Variants in PPP2R3B observed in about 807,000 individuals in gnomAD.
The protein encoded by PPP2R3B is protein phosphatase 2 regulatory subunit B''beta.
A neutral mutation model predicts 72.9 loss-of-function variants in PPP2R3B; 68 were observed. The ratio of observed to expected loss-of-function variants is 0.93; its 90% CI spans 0.77 to 1.14. PPP2R3B has a LOEUF of 1.14. Among genes scored for constraint, PPP2R3B ranks in the 50% most tolerant of loss-of-function variants. The probability of loss-of-function intolerance (pLI) is 0.00; values close to 1 mark genes in which losing one functional copy is unlikely to be tolerated. For missense variants in PPP2R3B, 1,018 were observed against 842.0 expected (o/e 1.21, Z -2.59); for synonymous variants, 466 against 375.8 (o/e 1.24, Z -2.78).
intron 1 of PPP2R3B, among the ~76,000 whole-genome samples, chrX:378,129 C>T (rs980736923): frequency 2.0e-5 from 3 of 152,034 alleles, no homozygotes; most frequent in Middle Eastern, 3.4e-3. Context: ...ACGGAATCTG[C>T]GAGGCCTGTT....
Position 340,803 on chromosome X carries a change from A to C in PPP2R3B, c.1313T>G (p.Leu438Arg). 1 of 1,611,770 alleles carries C rather than the reference A, an allele frequency of 6.2e-7. No homozygotes were observed. The highest frequency in any genetic ancestry group is 8.5e-7 in the Non-Finnish European group (1 of 1,179,640). ...AIEALPFQDC[L>R]CQMLDLVKPR... ...CTTGACCAGGTCCAGCATCTGGCAG[A>C]GGCAGTCCTGGAAGGGCAGGGCCTC... is the stretch of plus-strand genomic sequence containing the variant. The change falls in exon 10 of 13, where the codon CTC becomes CGC. Residue 438 changes from leucine to arginine, a missense_variant. Physicochemically the swap from Leu to Arg is moderately radical, Grantham distance 102. Transcript: ENST00000390665.
chrX:346,736 CCTT>C lies in PPP2R3B; in HGVS notation c.754_756del (p.Lys252del), dbSNP rs2071224012. 6.2e-7 allele frequency: 1 copy of C among 1,610,474 alleles called. No individual in the cohort carries two copies. Among genetic ancestry groups the C allele is most frequent in the Admixed American group, 1.7e-5 (1 of 59,902 alleles). On this transcript the variant is annotated inframe_deletion, in exon 5 of 13. Transcript: ENST00000390665. ...TAGCGCGAGTGGAACTCGGACGCCT[CCTT>C]CAGGAACGACAGCCCCGGGTGCGTG...
At chrX:345,274 C>A in intron 7 of PPP2R3B, 1 of 699,564 alleles carries the variant, frequency 1.4e-6, no homozygotes, top group African/African-American at 1.7e-5. Flanking sequence ...GCGGCCCACA[C>A]TGACCCTGTA....
chrX:386,142 AAATT>A (rs1173140803), intron 1 of PPP2R3B, among the ~76,000 whole-genome samples: 1 of 152,096 alleles, frequency 6.6e-6, no homozygotes, highest in African/African-American at 2.4e-5. Context: ...CTACCTTTAT[AAATT>A]GTGTGATTTT....
At chrX:343,893 G>T (rs2071131992) in intron 7 of PPP2R3B, among the ~76,000 whole-genome samples, 1 of 59,854 alleles carries the variant, frequency 1.7e-5, no homozygotes. Context: ...GGAGGCGGGA[G>T]GGAGACCTCA....
intron 2 of PPP2R3B, among the ~76,000 whole-genome samples, chrX:360,367 C>G (rs1179483931): frequency 1.3e-5 from 2 of 152,148 alleles, no homozygotes; most frequent in Non-Finnish European, 2.9e-5. Flanking sequence ...AACCCCATGT[C>G]TACTAAAAAT....
intron 5 of PPP2R3B, 68 bp downstream of exon 5, chrX:346,633 C>T (rs2071220957): frequency 1.2e-5 from 17 of 1,459,822 alleles, no homozygotes; most frequent in Admixed American, 1.9e-5. Flanking sequence ...GCAGAAGCCC[C>T]GCGGCGGCCG....
In PPP2R3B at chrX:338,843, C is replaced by T. The variant is rs144771108; in HGVS notation, c.1405G>A (p.Asp469Asn). The stretch of plus-strand genomic sequence containing the variant: ...TACTTCTCGATGTTGAAGAAGGTGT[C>T]GAAGAAGACGTTAGCCAGCTTGCAG... ...KRCKLANVFF[D>N]TFFNIEKYLD... Residue 469 changes from aspartate (D) to asparagine (N), a missense_variant, in exon 11 of 13, where the codon GAC becomes AAC. By Grantham distance (23) the Asp-to-Asn change is conservative (BLOSUM62 1). Coordinates refer to ENST00000390665, the MANE Select transcript of PPP2R3B (RefSeq NM_013239.5). The T allele has an allele frequency of 5.8e-5, 94 of 1,612,428 alleles. No homozygotes were observed. In the East Asian group the frequency reaches 8.9e-4, roughly 15 times the overall value.
intron 2 of PPP2R3B, among the ~76,000 whole-genome samples, chrX:352,898 T>G: frequency 1.3e-5 from 2 of 148,974 alleles, no homozygotes; most frequent in East Asian, 2.0e-4. Context: ...GCCGGAGGAG[T>G]CTTCAGGGTC....
chrX:383,429 C>T lies in PPP2R3B; in HGVS notation c.324+2939G>A, dbSNP rs563365166. 6.6e-4 allele frequency among the ~76,000 whole-genome samples: 100 copies of T among 152,154 alleles called. 1 individual carries two copies. In the South Asian group the frequency reaches 0.019, roughly 29 times the overall value. On this transcript the variant is annotated intron_variant, in intron 1 of 12. Transcript: ENST00000390665. ...GAACATTCTGAATATTTCAGGCTTC[C>T]GTAGTATTCTCGGGACACCAGACGC...
intron 2 of PPP2R3B, 97 bp downstream of exon 2, chrX:361,305 TCAC>T (rs1375174389): frequency 1.3e-5 from 18 of 1,363,276 alleles, no homozygotes; most frequent in African/African-American, 8.8e-5. Flanking sequence ...GCCGCCTCAC[TCAC>T]GCTCGTGTGA....
chrX:362,957 A>G (rs1319021057), intron 1 of PPP2R3B, among the ~76,000 whole-genome samples: 1 of 151,912 alleles, frequency 6.6e-6, no homozygotes, highest in Non-Finnish European at 1.5e-5. Flanking sequence ...CCCAGGTCAC[A>G]AGGGTCCCAC....
At position 334,133 on chromosome X, in the gene PPP2R3B, T is replaced by C. The variant is rs1349398681; in HGVS notation, c.*234A>G. ...CGGGAACGGCAAGCGCCAGAGGGTG[T>C]CCGTGTGGGAACCCGTCCCATTCAC... On this transcript the variant is annotated 3_prime_UTR_variant, in exon 13 of 13. Transcript: ENST00000390665. 7.2e-6 allele frequency: 3 copies of C among 417,524 alleles called. No individual in the cohort carries two copies. Among genetic ancestry groups the C allele is most frequent in the African/African-American group, 4.2e-5 (2 of 47,640 alleles). 25.9% of individuals were successfully genotyped at this position (417,524 alleles called of 1,614,324 possible).
rs180909762 is a variant in PPP2R3B, at chrX:370,171, G to A, written c.325-8581C>T. Among the ~76,000 whole-genome samples, 350 of 152,330 alleles carry A rather than the reference G, an allele frequency of 2.3e-3. 2 individuals are homozygous for A. The highest frequency in any genetic ancestry group is 8.2e-3 in the African/African-American group (339 of 41,582). ...ACACAGAGGAGCCGAACACGGAGAT[G>A]AGAGGCCCCACGTGTGGGTTTAAAA... On this transcript the variant is annotated intron_variant, in intron 1 of 12. Transcript: ENST00000390665.
intron 1 of PPP2R3B, among the ~76,000 whole-genome samples, chrX:384,261 A>ACTCTCTCT (rs766359373): frequency 5.6e-5 from 8 of 142,420 alleles, no homozygotes; most frequent in Non-Finnish European, 1.2e-4. Context: ...ACGCAAGAAG[A>ACTCTCTCT]CTCTCTCTCT....
chrX:344,570 G>A (rs1041004831), intron 7 of PPP2R3B, among the ~76,000 whole-genome samples: 18 of 152,352 alleles, frequency 1.2e-4, no homozygotes, highest in Admixed American at 9.8e-4. Context: ...GGGCCGCGCC[G>A]GGCCGGGGGT....
intron 3 of PPP2R3B, 106 bp from the exon 4 acceptor site, chrX:347,442 G>T: frequency 7.4e-7 from 1 of 1,350,354 alleles, no homozygotes; most frequent in Non-Finnish European, 1.1e-6. Context: ...TGCGTGGCAG[G>T]TGGCCACACA....
chrX:354,518 T>C (rs775236044), intron 2 of PPP2R3B, among the ~76,000 whole-genome samples: 26 of 152,346 alleles, frequency 1.7e-4, no homozygotes, highest in African/African-American at 6.0e-4. Context: ...ACATTTAGCA[T>C]CCCGGACAAA....
At chrX:356,647 A>G (rs998424788) in intron 2 of PPP2R3B, among the ~76,000 whole-genome samples, 8 of 152,230 alleles carry the variant, frequency 5.3e-5, no homozygotes, top group African/African-American at 1.9e-4. Context: ...ACAGACACAC[A>G]GCAGCTTTAC....
Sources: gnomAD v4.1 joint callset for allele counts (sites outside exome capture counted in the v4.1 genomes callset) on GRCh38, gnomAD v4.1.1 for gene constraint, MANE v1.5 for transcripts, NCBI Gene and HGNC (gene_info 2026-07-23, HGNC 2026-07-21) for gene names.